The following EYA2 variants were observed in gnomAD, a reference collection of about 807,000 sequenced individuals.
The protein encoded by EYA2 is EYA transcriptional coactivator and phosphatase 2.
A neutral mutation model predicts 69.2 loss-of-function variants in EYA2; 31 were observed. That is an observed-to-expected ratio of 0.45 (90% CI 0.34 to 0.60). EYA2 has a LOEUF of 0.60. EYA2 is among the 20% of genes least tolerant of loss of function. The probability of loss-of-function intolerance (pLI) is 0.02; values close to 1 mark genes in which losing one functional copy is unlikely to be tolerated. For synonymous variants in EYA2, 257 were observed against 279.4 expected (o/e 0.92, Z 0.80); for missense variants, 622 against 701.2 (o/e 0.89, Z 1.28).
rs528436155 is a variant in EYA2, at chr20:47,180,732, G to T, written c.1314-83G>T. On this transcript the variant is annotated intron_variant, in intron 13 of 15. Coordinates refer to ENST00000327619, the MANE Select transcript of EYA2 (RefSeq NM_005244.5). ...AGCCTCCAAGCCTACCAGATTTCCC[G>T]CCAACTGCAGGCTCATGCAGCAAGA... is the stretch of plus-strand genomic sequence containing the variant. 38 of 1,532,938 alleles carry T rather than the reference G, an allele frequency of 2.5e-5. 1 individual carries two copies. The East Asian group carries it at 8.0e-4, about 32-fold the overall frequency. 95.0% of individuals were successfully genotyped at this position (1,532,938 alleles called of 1,614,324 possible).
intron 10 of EYA2, among the ~76,000 whole-genome samples, chr20:47,143,565 A>G (rs911720237): frequency 6.6e-6 from 1 of 152,152 alleles, no homozygotes; most frequent in Non-Finnish European, 1.5e-5. Context: ...AAAACAATTT[A>G]CATTCCCCTG....
At position 47,001,450 on chromosome 20, in the gene EYA2, G is replaced by A; in HGVS notation, c.132G>A (p.Leu44=). Residue 44 remains leucine, a synonymous_variant, in exon 3 of 16, where the codon CTG becomes CTA. Coordinates refer to ENST00000327619, the MANE Select transcript of EYA2 (RefSeq NM_005244.5). ...CAGGCATCACCAAATCGGCCCCCCT[G>A]AGAGTGTCCCAGCTCTTCTCCAGGT... The part of the protein sequence containing the change: ...DRQGITKSAP[L]RVSQLFSRSC... The A allele has an allele frequency of 6.2e-7, 1 of 1,614,154 alleles. No individual in the cohort carries two copies. The highest frequency in any genetic ancestry group is 1.6e-4 in the Middle Eastern group (1 of 6,062).
At chr20:47,122,166 G>C (rs1246637040) in intron 9 of EYA2, among the ~76,000 whole-genome samples, 1 of 151,896 alleles carries the variant, frequency 6.6e-6, no homozygotes, top group East Asian at 1.9e-4. Flanking sequence ...AATGGCTCAG[G>C]TGTTCAGTTT....
intron 10 of EYA2, chr20:47,161,650 A>G (rs2073170): frequency 0.62 from 123,043 of 197,132 alleles, 41,062 homozygotes; most frequent in African/African-American, 0.91. Context: ...AAGCCTCCAC[A>G]GAAGCCACCG....
chr20:47,160,135 C>T (rs746251513), intron 10 of EYA2, among the ~76,000 whole-genome samples: 12 of 152,116 alleles, frequency 7.9e-5, no homozygotes, highest in Non-Finnish European at 1.5e-4. Flanking sequence ...TGAACAGGAT[C>T]CCTCTGGCTG....
rs140750895 is a variant in EYA2, at chr20:47,067,928, C to T, written c.416-4257C>T. Among the ~76,000 whole-genome samples, 11 of 152,284 alleles carry T rather than the reference C, an allele frequency of 7.2e-5. No individual in the cohort carries two copies. The East Asian group carries it at 2.1e-3, about 29-fold the overall frequency. Reference sequence around the variant, plus strand: ...TGAGTTGATGTTTCTTTTCCTTAAGCCCTTGAAAAATGTTGTGCCATTTCC... The same window carrying T: ...TGAGTTGATGTTTCTTTTCCTTAAGTCCTTGAAAAATGTTGTGCCATTTCC... On this transcript the variant is annotated intron_variant, in intron 5 of 15. Transcript: ENST00000327619.
intron 10 of EYA2, among the ~76,000 whole-genome samples, chr20:47,164,216 C>T (rs1423458300): frequency 6.6e-6 from 1 of 152,162 alleles, no homozygotes; most frequent in Non-Finnish European, 1.5e-5. Flanking sequence ...CGAGCTGGCT[C>T]AAGGGGTAAC....
rs11473217 is a variant in EYA2, at chr20:47,112,862, C to CTTT, written c.888+15719_888+15721dup. Among the ~76,000 whole-genome samples, 101 of 55,824 alleles carry CTTT rather than the reference C, an allele frequency of 1.8e-3. 14 individuals carry two copies. The highest frequency in any genetic ancestry group is 5.0e-3 in the African/African-American group (88 of 17,624). The allele number at this position is 55,824 out of a possible 152,430, so 36.6% of individuals were successfully genotyped here. ...CAAAAGTTAGATTTCATGTTCACTC[C>CTTT]TTTTTTTTTTTTTTTTTTTTTTTTT... is the stretch of plus-strand genomic sequence containing the variant. On this transcript the variant is annotated intron_variant, in intron 9 of 15. Coordinates refer to ENST00000327619, the MANE Select transcript of EYA2 (RefSeq NM_005244.5).
intron 9 of EYA2, among the ~76,000 whole-genome samples, chr20:47,132,138 G>T (rs1334604406): frequency 6.6e-6 from 1 of 152,078 alleles, no homozygotes; most frequent in Non-Finnish European, 1.5e-5. Flanking sequence ...TTGTAGAGAT[G>T]AAGTCTTACT....
intron 5 of EYA2, among the ~76,000 whole-genome samples, chr20:47,058,502 G>A (rs2030741773): frequency 6.6e-6 from 1 of 152,194 alleles, no homozygotes; most frequent in African/African-American, 2.4e-5. Context: ...AGGAGAGAGA[G>A]GCCATACTGG....
chr20:46,920,420 G>A (rs1434392819), intron 1 of EYA2, among the ~76,000 whole-genome samples: 4 of 152,166 alleles, frequency 2.6e-5, no homozygotes, highest in African/African-American at 7.2e-5. Flanking sequence ...GACGTGACAC[G>A]TTATCTTTTT....
intron 9 of EYA2, among the ~76,000 whole-genome samples, chr20:47,112,325 T>C (rs870160): frequency 0.15 from 22,573 of 151,914 alleles, 1,940 homozygotes; most frequent in South Asian, 0.23. Flanking sequence ...GCAGTGAGTA[T>C]CAAGATAATG....
chr20:46,969,254 G>A (rs776512020), intron 1 of EYA2, among the ~76,000 whole-genome samples: 2 of 151,698 alleles, frequency 1.3e-5, no homozygotes, highest in African/African-American at 4.9e-5. Flanking sequence ...TTGACACTTA[G>A]TCACCCAGAC....
intron 1 of EYA2, among the ~76,000 whole-genome samples, chr20:46,929,191 T>C (rs1985553103): frequency 1.3e-5 from 2 of 150,952 alleles, no homozygotes; most frequent in African/African-American, 4.9e-5. Flanking sequence ...GAAAATTCAC[T>C]TAAAGTTTTT....
chr20:47,184,334 A>G (rs959352984), intron 15 of EYA2, among the ~76,000 whole-genome samples: 23 of 151,386 alleles, frequency 1.5e-4, no homozygotes, highest in African/African-American at 5.6e-4. Context: ...CATGCCCTTC[A>G]CCACCGTAAC....
intron 1 of EYA2, among the ~76,000 whole-genome samples, chr20:46,975,421 G>C (rs746320356): frequency 1.3e-5 from 2 of 152,188 alleles, no homozygotes; most frequent in Non-Finnish European, 2.9e-5. Flanking sequence ...TATAATCCCA[G>C]CACTTTGGGA....
Position 47,161,289 on chromosome 20 carries a change from C to T in EYA2, c.979-7850C>T, listed in dbSNP as rs2034061099. Reference sequence around the variant, plus strand: ...ATGGCCCCGCGGATGGCGTGGCCACCTCCTTGGAGCACTTAACACCCAGAT... The same window carrying T: ...ATGGCCCCGCGGATGGCGTGGCCACTTCCTTGGAGCACTTAACACCCAGAT... On this transcript the variant is annotated intron_variant, in intron 10 of 15. Coordinates refer to ENST00000327619, the MANE Select transcript of EYA2 (RefSeq NM_005244.5). 6 of 536,202 alleles carry T rather than the reference C, an allele frequency of 1.1e-5. No individual in the cohort carries two copies. In the Admixed American group the frequency reaches 1.2e-4, roughly 11 times the overall value. 33.2% of individuals were successfully genotyped at this position (536,202 alleles called of 1,614,324 possible). A position where few individuals can be genotyped will look rare whatever the true frequency, so the allele number is the denominator to read the frequency against.
intron 4 of EYA2, among the ~76,000 whole-genome samples, chr20:47,013,590 G>A (rs1019514579): frequency 3.9e-5 from 6 of 152,186 alleles, no homozygotes; most frequent in African/African-American, 1.4e-4. Context: ...GGAACTGGCT[G>A]AACAAGCAGT....
Position 47,188,426 on chromosome 20 carries a change from G to T in EYA2, c.*293G>T, listed in dbSNP as rs953592006. ...ACAAAAGCAAGGAATTGCTGATTTGGGGGGTGCCTGGTGATGAGGAGGGGA... is the reference window on the plus strand; with the variant it reads ...ACAAAAGCAAGGAATTGCTGATTTGTGGGGTGCCTGGTGATGAGGAGGGGA... On this transcript the variant is annotated 3_prime_UTR_variant, in exon 16 of 16. Coordinates refer to ENST00000327619, the MANE Select transcript of EYA2 (RefSeq NM_005244.5). The T allele has an allele frequency of 3.1e-5, 17 of 557,078 alleles. No individual in the cohort carries two copies. In the Admixed American group the frequency reaches 3.3e-4, roughly 11 times the overall value. The allele number at this position is 557,078 out of a possible 1,614,324, so 34.5% of individuals were successfully genotyped here.
Sources: gnomAD v4.1 joint callset for allele counts (sites outside exome capture counted in the v4.1 genomes callset) on GRCh38, gnomAD v4.1.1 for gene constraint, MANE v1.5 for transcripts, NCBI Gene and HGNC (gene_info 2026-07-23, HGNC 2026-07-21) for gene names.